STXBP5L: variants seen among roughly 807,000 people sequenced by gnomAD.
STXBP5L encodes the protein syntaxin binding protein 5L, also known as syntaxin-binding protein 5-like.
Under a neutral mutation model 144.5 loss-of-function variants are expected in STXBP5L, and 65 were observed. The observed-to-expected ratio is 0.45, with a 90% CI of 0.37 to 0.55. The LOEUF is 0.55. STXBP5L is among the 20% of genes least tolerant of loss of function. STXBP5L has a pLI of 0.00. For synonymous variants in STXBP5L, 505 were observed against 469.6 expected (o/e 1.08, Z -0.97); for missense variants, 1,298 against 1,405.5 (o/e 0.92, Z 1.22).
chr3:120,923,928 T>G (rs1709482109), intron 2 of STXBP5L, among the ~76,000 whole-genome samples: 1 of 145,552 alleles, frequency 6.9e-6, no homozygotes, highest in Non-Finnish European at 1.5e-5. Context: ...TGAGAGAGAT[T>G]TTTTTTTTAA....
chr3:121,023,560 A>G (rs1945713394), intron 3 of STXBP5L, among the ~76,000 whole-genome samples: 1 of 152,170 alleles, frequency 6.6e-6, no homozygotes, highest in Admixed American at 6.5e-5. Flanking sequence ...GACAAATGGA[A>G]CAGGATAGAG....
chr3:120,949,921 T>C (rs1020795965), intron 2 of STXBP5L, among the ~76,000 whole-genome samples: 1 of 152,014 alleles, frequency 6.6e-6, no homozygotes, highest in African/African-American at 2.4e-5. Context: ...GTTTTTGCTT[T>C]GGACAGAGTT....
chr3:121,344,349 C>T (rs1010830580), intron 20 of STXBP5L, among the ~76,000 whole-genome samples: 1 of 152,096 alleles, frequency 6.6e-6, no homozygotes, highest in Non-Finnish European at 1.5e-5. Context: ...GCAAGGACTT[C>T]GTGTGTAAAA....
intron 22 of STXBP5L, among the ~76,000 whole-genome samples, chr3:121,392,770 C>CAT (rs71133531): frequency 0.042 from 4,727 of 112,018 alleles, 137 homozygotes; most frequent in African/African-American, 0.048. Flanking sequence ...TATTTCATGG[C>CAT]ATATATATAT....
intron 5 of STXBP5L, among the ~76,000 whole-genome samples, chr3:121,107,152 CA>C (rs2043752588): frequency 6.6e-6 from 1 of 151,428 alleles, no homozygotes; most frequent in Admixed American, 6.6e-5. Flanking sequence ...AGACCTTTGT[CA>C]GATGGATAGA....
intron 2 of STXBP5L, among the ~76,000 whole-genome samples, chr3:120,931,254 G>A (rs76621411): frequency 1.2e-3 from 188 of 152,228 alleles, no homozygotes; most frequent in African/African-American, 4.3e-3. Context: ...ATCCTAAGAC[G>A]TTTTAACTAG....
chr3:121,310,426 C>T (rs771404793), intron 19 of STXBP5L, among the ~76,000 whole-genome samples: 25 of 152,134 alleles, frequency 1.6e-4, no homozygotes, highest in Admixed American at 2.0e-4. Flanking sequence ...CTGGCTAACA[C>T]GGTGAAACCC....
At chr3:121,009,357 C>A (rs1944596914) in intron 3 of STXBP5L, among the ~76,000 whole-genome samples, 1 of 152,010 alleles carries the variant, frequency 6.6e-6, no homozygotes, top group African/African-American at 2.4e-5. Context: ...TCCTGACCAA[C>A]CAATCATGCC....
chr3:120,988,644 T>C (rs1012214844), intron 3 of STXBP5L, among the ~76,000 whole-genome samples: 3 of 152,140 alleles, frequency 2.0e-5, no homozygotes, highest in Non-Finnish European at 4.4e-5. Flanking sequence ...GTTGTTGAGT[T>C]CTATATCCTT....
chr3:121,076,317 T>G, intron 5 of STXBP5L, among the ~76,000 whole-genome samples: 1 of 152,184 alleles, frequency 6.6e-6, no homozygotes, highest in East Asian at 1.9e-4. Flanking sequence ...GCCTCCTGTC[T>G]AAGCCTTGTC....
At chr3:121,234,263 A>G (rs1167182982) in intron 12 of STXBP5L, among the ~76,000 whole-genome samples, 2 of 152,128 alleles carry the variant, frequency 1.3e-5, no homozygotes, top group African/African-American at 4.8e-5. Context: ...CCATCATTGT[A>G]TGTTCTTCGC....
Position 120,909,665 on chromosome 3 carries a change from T to C in STXBP5L, c.87T>C (p.Gly29=). The C allele has an allele frequency of 6.2e-7, 1 of 1,613,608 alleles. No individual in the cohort carries two copies. The highest frequency in any genetic ancestry group is 8.5e-7 in the Non-Finnish European group (1 of 1,179,824). The change falls in exon 2 of 27, where the codon GGT becomes GGC. Residue 29 remains glycine, a synonymous_variant. Transcript: ENST00000471454. The part of the protein sequence containing the change: ...GSGSSSGSNS[G]GGAGSGSVHP... ...GTAGCAGCAGTGGCAGTAACAGTGGTGGTGGGGCTGGAAGTGGTTCCGTAC... is the reference window on the plus strand; with the variant it reads ...GTAGCAGCAGTGGCAGTAACAGTGGCGGTGGGGCTGGAAGTGGTTCCGTAC...
At chr3:121,031,823 A>G (rs1198861048) in intron 3 of STXBP5L, among the ~76,000 whole-genome samples, 1 of 152,126 alleles carries the variant, frequency 6.6e-6, no homozygotes, top group Non-Finnish European at 1.5e-5. Flanking sequence ...AAATAGATGT[A>G]CTCAAGAGAT....
chr3:121,050,252 T>C (rs1403709584), intron 5 of STXBP5L, among the ~76,000 whole-genome samples: 8 of 152,190 alleles, frequency 5.3e-5, no homozygotes, highest in Non-Finnish European at 1.5e-5. Context: ...TAGTCTTTTT[T>C]TTTAAGAGGA....
intron 6 of STXBP5L, among the ~76,000 whole-genome samples, chr3:121,120,365 C>A (rs1273334484): frequency 3.3e-5 from 5 of 151,184 alleles, no homozygotes; most frequent in Admixed American, 2.6e-4. Flanking sequence ...AAAGAAATAT[C>A]TGTAAACTTT....
At chr3:120,959,489 T>C (rs1251453979) in intron 3 of STXBP5L, among the ~76,000 whole-genome samples, 1 of 152,204 alleles carries the variant, frequency 6.6e-6, no homozygotes, top group Non-Finnish European at 1.5e-5. Flanking sequence ...TCATGCTACC[T>C]GACTTCAAAC....
chr3:121,200,827 A>G (rs2048109160), intron 9 of STXBP5L, among the ~76,000 whole-genome samples: 1 of 152,078 alleles, frequency 6.6e-6, no homozygotes, highest in Admixed American at 6.5e-5. Context: ...TTCTAATTTG[A>G]TTGCACTGTG....
intron 5 of STXBP5L, among the ~76,000 whole-genome samples, chr3:121,071,524 G>A (rs1386379471): frequency 6.6e-6 from 1 of 152,146 alleles, no homozygotes; most frequent in African/African-American, 2.4e-5. Context: ...TGGTCCACTG[G>A]TCCTGGATGG....
At chr3:121,045,407 C>T (rs1399490636) in intron 4 of STXBP5L, 28 bp from the exon 5 acceptor site, 2 of 1,571,796 alleles carry the variant, frequency 1.3e-6, no homozygotes, top group Admixed American at 1.8e-5. Flanking sequence ...GTAAATCACA[C>T]ACTTACTTTA....
Sources: gnomAD v4.1 joint callset for allele counts (sites outside exome capture counted in the v4.1 genomes callset) on GRCh38, gnomAD v4.1.1 for gene constraint, MANE v1.5 for transcripts, NCBI Gene and HGNC (gene_info 2026-07-23, HGNC 2026-07-21) for gene names.